RGS9: variants seen among roughly 807,000 people sequenced by gnomAD.
RGS9 encodes the protein regulator of G-protein signalling 9.
RGS9 carries 78 observed loss-of-function variants against 102.0 expected under a neutral mutation model. That is an observed-to-expected ratio of 0.76 (90% CI 0.64 to 0.92). The LOEUF is 0.92. RGS9 is among the 40% of genes least tolerant of loss of function. The pLI is 0.00. For missense variants in RGS9, 833 were observed against 866.1 expected, an observed-to-expected ratio of 0.96 and a Z score of 0.48; for synonymous variants, 353 against 318.6, an observed-to-expected ratio of 1.11 and a Z score of -1.15.
intron 15 of RGS9, among the ~76,000 whole-genome samples, chr17:65,207,311 G>A (rs914354107): frequency 3.9e-5 from 6 of 152,192 alleles, no homozygotes; most frequent in African/African-American, 1.4e-4. Flanking sequence ...CCACTCCAAG[G>A]TGGATCTTCA....
chr17:65,215,409 A>C (rs1480276440), intron 17 of RGS9, among the ~76,000 whole-genome samples: 1 of 152,218 alleles, frequency 6.6e-6, no homozygotes, highest in Non-Finnish European at 1.5e-5. Context: ...TTGGAGTCCC[A>C]GACGAAAATG....
At chr17:65,178,209 G>A (rs960476494) in intron 9 of RGS9, among the ~76,000 whole-genome samples, 7 of 152,064 alleles carry the variant, frequency 4.6e-5, no homozygotes, top group Non-Finnish European at 7.4e-5. Context: ...CCCCAGCCTC[G>A]AAACTCTTGA....
intron 7 of RGS9, among the ~76,000 whole-genome samples, chr17:65,167,110 C>G (rs1412207617): frequency 6.6e-6 from 1 of 152,158 alleles, no homozygotes; most frequent in Non-Finnish European, 1.5e-5. Context: ...TACTTTGCCC[C>G]TGGAGGAAGA....
In RGS9 at chr17:65,167,223, C is replaced by T. The variant is rs1166939479; in HGVS notation, c.501-977C>T. Among the ~76,000 whole-genome samples, 5 of 151,836 alleles carry T rather than the reference C, an allele frequency of 3.3e-5. No individual in the cohort carries two copies. In the East Asian group the frequency reaches 5.8e-4, roughly 18 times the overall value. On this transcript the variant is annotated intron_variant, in intron 7 of 18. Transcript: ENST00000262406. ...TTTATTTATTTATTTTTTTTTGAGA[C>T]GGAGTTTTGCTCTTGTTGCCCAGGC...
chr17:65,190,933 C>G (rs137870801), intron 11 of RGS9, among the ~76,000 whole-genome samples: 23 of 152,336 alleles, frequency 1.5e-4, no homozygotes, highest in African/African-American at 5.3e-4. Flanking sequence ...AGACTCAAGT[C>G]ATGGTACTAA....
intron 9 of RGS9, chr17:65,185,588 A>G (rs1231035411): frequency 2.6e-5 from 4 of 152,396 alleles, no homozygotes; most frequent in African/African-American, 9.6e-5. Context: ...ATTCATGTGG[A>G]CAATCCAAGG....
At position 65,173,491 on chromosome 17, in the gene RGS9, A is replaced by G. The variant is rs1185761250; in HGVS notation, c.583-4241A>G. Among the ~76,000 whole-genome samples, 1 of 152,032 alleles carries G rather than the reference A, an allele frequency of 6.6e-6. No homozygotes were observed. The highest frequency in any genetic ancestry group is 1.5e-5 in the Non-Finnish European group (1 of 68,026). ...GTACAGGAGCTCCTTTCCTGACCTG[A>G]ATGATGATGCATTGAGCAAATTGCC... is the stretch of plus-strand genomic sequence containing the variant. On this transcript the variant is annotated intron_variant, in intron 8 of 18. Coordinates refer to ENST00000262406, the MANE Select transcript of RGS9 (RefSeq NM_003835.4). This position sits in a 1 kb window ranked among gnomAD's most constrained non-coding sequence, Gnocchi z 4.8.
intron 17 of RGS9, 144 bp from the exon 18 acceptor site, chr17:65,224,858 G>A (rs1368949951): frequency 3.5e-5 from 39 of 1,129,742 alleles, no homozygotes; most frequent in Non-Finnish European, 4.0e-5. Flanking sequence ...TTTGGACACC[G>A]TTCCCAGCTC....
intron 8 of RGS9, among the ~76,000 whole-genome samples, chr17:65,170,558 C>T (rs148890747): frequency 1.6e-3 from 242 of 152,306 alleles, no homozygotes; most frequent in African/African-American, 5.4e-3. Context: ...ACTTCTGCCT[C>T]TCATGACAAT....
chr17:65,202,028 C>A lies in RGS9; in HGVS notation c.1012C>A (p.Leu338Met). The change falls in exon 14 of 19, where the codon CTG (leucine) becomes ATG (methionine). Residue 338 changes from leucine to methionine, a missense_variant. Physicochemically the swap from Leu to Met is conservative, Grantham distance 15. Around this residue, in one of 3 missense-constraint regions of RGS9, gnomAD observed 185 missense variants for 248.7 expected, o/e 0.74. Transcript: ENST00000262406. ...NLGFWEACED[L>M]KYGDQSKVKE... The stretch of plus-strand genomic sequence containing the variant: ...GGGATTCTGGGAAGCCTGCGAGGAT[C>A]TGAAGTATGGAGATCAGTCCAAAGT... The A allele has an allele frequency of 1.9e-6, 3 of 1,613,792 alleles. No homozygotes were observed. Among genetic ancestry groups the A allele is most frequent in the Non-Finnish European group, 2.5e-6 (3 of 1,179,782 alleles).
chr17:65,177,866 C>T, intron 9 of RGS9, 63 bp downstream of exon 9: 4 of 1,298,850 alleles, frequency 3.1e-6, no homozygotes. Flanking sequence ...GGAAGGTGTC[C>T]ACATGTCTAT....
chr17:65,169,416 G>A (rs1911321457), intron 8 of RGS9, among the ~76,000 whole-genome samples: 1 of 152,196 alleles, frequency 6.6e-6, no homozygotes, highest in Non-Finnish European at 1.5e-5. Context: ...GGGTCCCAGA[G>A]ATAAGCACCC....
rs1282333059 is a variant in RGS9 at position 65,137,530 on chromosome 17, C to T, written c.-11C>T. 3 of 1,611,566 alleles carry T rather than the reference C, an allele frequency of 1.9e-6. No individual in the cohort carries two copies. Among genetic ancestry groups the T allele is most frequent in the East Asian group, 2.2e-5 (1 of 44,882 alleles). On this transcript the variant is annotated 5_prime_UTR_variant, in exon 1 of 19. Coordinates refer to ENST00000262406, the MANE Select transcript of RGS9 (RefSeq NM_003835.4). ...CTGGTGCTCTGGCTGTGAATCCATC[C>T]AGGGGCCAGGATGACAATCCGACAC...
intron 1 of RGS9, among the ~76,000 whole-genome samples, chr17:65,148,285 T>C (rs1367605314): frequency 2.0e-5 from 3 of 152,242 alleles, no homozygotes; most frequent in African/African-American, 4.8e-5. Flanking sequence ...TTCTTTTGTA[T>C]GCATAGAACA....
intron 13 of RGS9, among the ~76,000 whole-genome samples, chr17:65,199,356 C>A (rs1330293541): frequency 6.6e-6 from 1 of 152,090 alleles, no homozygotes; most frequent in African/African-American, 2.4e-5. Flanking sequence ...TACTTTCTAC[C>A]CCTACGGATT....
chr17:65,141,461 G>A (rs1308087043), intron 1 of RGS9, among the ~76,000 whole-genome samples: 2 of 152,218 alleles, frequency 1.3e-5, no homozygotes, highest in Non-Finnish European at 2.9e-5. Flanking sequence ...CTTTTTGCCT[G>A]AGAAAGGAAT....
intron 9 of RGS9, among the ~76,000 whole-genome samples, chr17:65,187,233 G>C (rs73994744): frequency 1.3e-5 from 2 of 152,272 alleles, no homozygotes; most frequent in African/African-American, 4.8e-5. Context: ...CGGACATTGT[G>C]CTAGGGAAGA....
intron 18 of RGS9, 81 bp downstream of exon 18, chr17:65,225,567 G>T (rs1423314886): frequency 1.3e-6 from 2 of 1,591,754 alleles, no homozygotes; most frequent in Non-Finnish European, 1.7e-6. Flanking sequence ...GCATGCTTTG[G>T]GCTGGGGACT....
At chr17:65,178,273 T>C (rs2144037706) in intron 9 of RGS9, among the ~76,000 whole-genome samples, 1 of 152,284 alleles carries the variant, frequency 6.6e-6, no homozygotes, top group African/African-American at 2.4e-5. Context: ...ATCTAACACT[T>C]TCTTTCACAT....
Sources: allele counts gnomAD v4.1 joint callset (sites outside exome capture counted in the v4.1 genomes callset), GRCh38; gene constraint gnomAD v4.1.1; regional missense constraint gnomAD v4.1.1; non-coding constraint Gnocchi (gnomAD v3.1); transcripts MANE v1.5; gene names NCBI Gene and HGNC (gene_info 2026-07-23, HGNC 2026-07-21).